ROR2: variants seen among roughly 807,000 people sequenced by gnomAD.
ROR2 encodes the protein ROR family WNT receptor 2, also known as tyrosine-protein kinase transmembrane receptor ROR2.
In ROR2, 33 loss-of-function variants were observed where a neutral mutation model predicts 74.9. The ratio of observed to expected loss-of-function variants is 0.44; its 90% CI spans 0.33 to 0.59. ROR2 has a LOEUF of 0.59. Ranked by LOEUF, ROR2 falls within the 20% of genes least tolerant of loss-of-function variation. The pLI, the probability that ROR2 is intolerant of heterozygous loss-of-function variation, is 0.02. For synonymous variants in ROR2, 586 were observed against 558.7 expected (o/e 1.05, Z -0.69); for missense variants, 1,216 against 1,313.8 (o/e 0.93, Z 1.15).
chr9:91,930,436 G>GGAAACA (rs545488779), intron 1 of ROR2, among the ~76,000 whole-genome samples: 148 of 152,312 alleles, frequency 9.7e-4, no homozygotes, highest in Non-Finnish European at 1.7e-3. Context: ...AATAGGAGAA[G>GGAAACA]GAAACAGAAA....
At chr9:91,829,935 C>T (rs1034011456) in intron 1 of ROR2, among the ~76,000 whole-genome samples, 2 of 152,124 alleles carry the variant, frequency 1.3e-5, no homozygotes, top group South Asian at 2.1e-4. Flanking sequence ...TACTCATTGC[C>T]GTTCACATTA....
chr9:91,757,410 T>G lies in ROR2; in HGVS notation c.325A>C (p.Ile109Leu). Residue 109 changes from isoleucine to leucine, a missense_variant, in exon 3 of 9, where the codon ATC becomes CTC. Coordinates refer to ENST00000375708, the MANE Select transcript of ROR2 (RefSeq NM_004560.4). ...DAPVVQEPRR[I>L]IIRKTEYGSR... Reference sequence around the variant, plus strand: ...CCATATTCTGTCTTCCGGATGATGATCCGCCGCGGCTCCTGCACCACCGGG... The same window carrying G: ...CCATATTCTGTCTTCCGGATGATGAGCCGCCGCGGCTCCTGCACCACCGGG... 1 of 1,613,922 alleles carries G rather than the reference T, an allele frequency of 6.2e-7. No individual in the cohort carries two copies. Among genetic ancestry groups the G allele is most frequent in the Non-Finnish European group, 8.5e-7 (1 of 1,179,992 alleles).
chr9:91,939,697 T>C (rs576361263), intron 1 of ROR2, among the ~76,000 whole-genome samples: 10 of 152,086 alleles, frequency 6.6e-5, no homozygotes, highest in Admixed American at 5.2e-4. Context: ...TTGTGTTTGT[T>C]ACTGGAAAAA....
At chr9:91,858,629 A>G (rs1213788155) in intron 1 of ROR2, among the ~76,000 whole-genome samples, 1 of 152,208 alleles carries the variant, frequency 6.6e-6, no homozygotes, top group Admixed American at 6.5e-5. Flanking sequence ...AGGCAAAGTA[A>G]TGAGTTGAAA....
chr9:91,911,278 T>C (rs1395256242), intron 1 of ROR2, among the ~76,000 whole-genome samples: 1 of 152,232 alleles, frequency 6.6e-6, no homozygotes, highest in East Asian at 1.9e-4. Context: ...GGCCATTCTG[T>C]TGCCATGCGT....
At chr9:91,737,327 C>G in intron 5 of ROR2, 64 bp downstream of exon 5, 3 of 1,608,514 alleles carry the variant, frequency 1.9e-6, no homozygotes, top group Non-Finnish European at 2.6e-6. Context: ...CAGTGGCCAC[C>G]ATCTGTGCGA....
chr9:91,758,333 C>A (rs1292690124), intron 2 of ROR2, among the ~76,000 whole-genome samples: 1 of 152,230 alleles, frequency 6.6e-6, no homozygotes, highest in Non-Finnish European at 1.5e-5. Context: ...CCAAACACTA[C>A]ATCTAACCCA....
chr9:91,897,917 A>G (rs769879339), intron 1 of ROR2, among the ~76,000 whole-genome samples: 1 of 152,082 alleles, frequency 6.6e-6, no homozygotes, highest in Non-Finnish European at 1.5e-5. Context: ...GGACATGTGG[A>G]CAGAGAGTGC....
intron 1 of ROR2, among the ~76,000 whole-genome samples, chr9:91,776,211 C>G (rs1456902770): frequency 1.3e-5 from 2 of 152,128 alleles, no homozygotes; most frequent in African/African-American, 4.8e-5. Context: ...GATGGAGGTC[C>G]TGGTAACTGG....
chr9:91,871,228 T>C (rs1829785406), intron 1 of ROR2, among the ~76,000 whole-genome samples: 1 of 152,242 alleles, frequency 6.6e-6, no homozygotes, highest in African/African-American at 2.4e-5. Context: ...TTGGTCTCCT[T>C]CCATGTGTAG....
intron 1 of ROR2, among the ~76,000 whole-genome samples, chr9:91,932,586 C>A (rs891968141): frequency 6.6e-6 from 1 of 151,680 alleles, no homozygotes; most frequent in Non-Finnish European, 1.5e-5. Context: ...ATCACTTGAA[C>A]CAGGGAGGCG....
At chr9:91,912,503 T>C (rs1179203327) in intron 1 of ROR2, among the ~76,000 whole-genome samples, 3 of 152,148 alleles carry the variant, frequency 2.0e-5, no homozygotes, top group African/African-American at 7.2e-5. Context: ...TATATACTAC[T>C]ATGTATCAAT....
chr9:91,881,440 T>A lies in ROR2; in HGVS notation c.97+68427A>T, dbSNP rs184910727. The stretch of plus-strand genomic sequence containing the variant: ...ATACTGTATGCTGCAAGAACTTAAC[T>A]CTTGTTTATATCTGTTAGTGTATGG... On this transcript the variant is annotated intron_variant, in intron 1 of 8. Transcript: ENST00000375708. Among the ~76,000 whole-genome samples, 42 of 152,302 alleles carry A rather than the reference T, an allele frequency of 2.8e-4. No homozygotes were observed. The East Asian group carries it at 7.7e-3, about 28-fold the overall frequency.
At position 91,766,513 on chromosome 9, in the gene ROR2, A is replaced by G. The variant is rs184223216; in HGVS notation, c.176-8954T>C. Among the ~76,000 whole-genome samples the G allele has an allele frequency of 1.1e-3, 163 of 152,236 alleles. 1 individual carries two copies. Among genetic ancestry groups the G allele is most frequent in the African/African-American group, 3.6e-3 (148 of 41,542 alleles). On this transcript the variant is annotated intron_variant, in intron 2 of 8. Coordinates refer to ENST00000375708, the MANE Select transcript of ROR2 (RefSeq NM_004560.4). ...GGCTGCCAAATGAGTCTGGTCCACC[A>G]TTTTCAACGTCATCGATTCTCTAGG...
chr9:91,840,235 G>A (rs986246208), intron 1 of ROR2, among the ~76,000 whole-genome samples: 1 of 152,270 alleles, frequency 6.6e-6, no homozygotes, highest in Non-Finnish European at 1.5e-5. Context: ...AGGAACACAC[G>A]TGTGACATTA....
intron 1 of ROR2, among the ~76,000 whole-genome samples, chr9:91,864,615 CCAGAGCGAT>C (rs1829574067): frequency 6.6e-6 from 1 of 152,214 alleles, no homozygotes; most frequent in Non-Finnish European, 1.5e-5. Flanking sequence ...AGCAACCCTG[CCAGAGCGAT>C]CACTCACACC....
chr9:91,795,048 G>A (rs973733185), intron 1 of ROR2, among the ~76,000 whole-genome samples: 10 of 151,842 alleles, frequency 6.6e-5, no homozygotes, highest in Admixed American at 4.6e-4. Context: ...AACTCAGGAG[G>A]TGGAGGTTGC....
At chr9:91,898,962 G>A (rs1365433298) in intron 1 of ROR2, among the ~76,000 whole-genome samples, 1 of 152,186 alleles carries the variant, frequency 6.6e-6, no homozygotes, top group Admixed American at 6.5e-5. Flanking sequence ...GCATCTTCTT[G>A]GTCTTCACTC....
intron 1 of ROR2, among the ~76,000 whole-genome samples, chr9:91,817,324 C>T (rs1225896876): frequency 1.3e-5 from 2 of 152,334 alleles, no homozygotes; most frequent in African/African-American, 4.8e-5. Flanking sequence ...AGGCAGGAGA[C>T]CTTCGTGGGG....
Sources: allele counts gnomAD v4.1 joint callset (sites outside exome capture counted in the v4.1 genomes callset), GRCh38; gene constraint gnomAD v4.1.1; transcripts MANE v1.5; gene names NCBI Gene and HGNC (gene_info 2026-07-23, HGNC 2026-07-21).